Variants in NELL1 observed in about 807,000 individuals in gnomAD.
NELL1 encodes protein kinase C-binding protein NELL1.
Under a neutral mutation model 107.4 loss-of-function variants are expected in NELL1, and 76 were observed. The observed-to-expected ratio is 0.71, with a 90% confidence interval of 0.59 to 0.86. The LOEUF is 0.86. Among genes scored for constraint, NELL1 ranks in the 40% least tolerant of loss-of-function variants. The pLI is 0.00. For synonymous variants in NELL1, 353 were observed against 341.2 expected (o/e 1.03, Z -0.38); for missense variants, 1,024 against 1,005.5 (o/e 1.02, Z -0.25).
chr11:20,934,964 C>T (rs1314654742), intron 9 of NELL1, among the ~76,000 whole-genome samples: 10 of 152,092 alleles, frequency 6.6e-5, no homozygotes, highest in African/African-American at 2.4e-4. Flanking sequence ...TTTTTTTGGT[C>T]TCTACTTCTA....
At chr11:20,938,940 C>CTCTCTCTCTCTCTGTGTG (rs1216133538) in intron 10 of NELL1, among the ~76,000 whole-genome samples, 1 of 57,298 alleles carries the variant, frequency 1.7e-5, no homozygotes, top group African/African-American at 4.4e-5. Context: ...CTCTCTCTCT[C>CTCTCTCTCTCTCTGTGTG]TGTGTGTGTG....
intron 14 of NELL1, among the ~76,000 whole-genome samples, chr11:21,304,021 C>T (rs927750550): frequency 4.6e-5 from 7 of 151,984 alleles, no homozygotes; most frequent in African/African-American, 1.7e-4. Context: ...TTAATCACCT[C>T]CCAGTGGCCA....
chr11:20,783,883 C>G (rs531612753), intron 3 of NELL1, 53 bp downstream of exon 3: 2 of 1,508,526 alleles, frequency 1.3e-6, no homozygotes, highest in East Asian at 4.8e-5. Context: ...ATGGGTTATA[C>G]AAAATGTCTT....
rs142419385 is a variant in NELL1, at chr11:21,154,963, G to A, written c.1426+41249G>A. 7.2e-3 allele frequency among the ~76,000 whole-genome samples: 1,098 copies of A among 152,266 alleles called. 7 individuals carry two copies. The highest frequency in any genetic ancestry group is 0.012 in the Non-Finnish European group (802 of 68,024). On this transcript the variant is annotated intron_variant, in intron 13 of 19. Transcript: ENST00000357134. ...ATAGGACTGGGTTGTAAGCAAGTTGGTCTAGGGTTTTTTGTGGGTGAGGTT... is the reference window on the plus strand; with the variant it reads ...ATAGGACTGGGTTGTAAGCAAGTTGATCTAGGGTTTTTTGTGGGTGAGGTT...
At position 20,918,486 on chromosome 11, in the gene NELL1, G is replaced by T. The variant is rs186386290; in HGVS notation, c.676+232G>T. 3.1e-3 allele frequency among the ~76,000 whole-genome samples: 479 copies of T among 152,078 alleles called. 13 individuals carry two copies. Among genetic ancestry groups the T allele is most frequent in the Admixed American group, 0.026 (390 of 15,242 alleles). On this transcript the variant is annotated intron_variant, in intron 6 of 19. Transcript: ENST00000357134. ...TGCTGATAAAGACATACCCTAGACTGGGTAATTTATAAAGGAAAGAGGTTT... is the reference window on the plus strand; with the variant it reads ...TGCTGATAAAGACATACCCTAGACTTGGTAATTTATAAAGGAAAGAGGTTT...
chr11:21,422,149 GCA>G (rs1467481219), intron 15 of NELL1, among the ~76,000 whole-genome samples: 7 of 151,346 alleles, frequency 4.6e-5, no homozygotes, highest in African/African-American at 1.7e-4. Context: ...ATGTACACGT[GCA>G]AGAGAGAGAG....
At chr11:21,278,270 A>C (rs942773255) in intron 14 of NELL1, among the ~76,000 whole-genome samples, 1 of 152,296 alleles carries the variant, frequency 6.6e-6, no homozygotes, top group South Asian at 2.1e-4. Context: ...TTTTCTTAGC[A>C]TAGTATTCTA....
chr11:21,471,681 G>A (rs532352377), intron 15 of NELL1, among the ~76,000 whole-genome samples: 22 of 152,022 alleles, frequency 1.4e-4, no homozygotes, highest in Non-Finnish European at 3.1e-4. Flanking sequence ...AATGAAGAAA[G>A]TAAGGCTTGG....
At chr11:20,722,310 C>G (rs1480076569) in intron 2 of NELL1, among the ~76,000 whole-genome samples, 1 of 152,136 alleles carries the variant, frequency 6.6e-6, no homozygotes, top group Non-Finnish European at 1.5e-5. Flanking sequence ...CATGAGCCAC[C>G]ATGCCCGGCC....
At chr11:21,548,706 G>A (rs1856502232) in intron 16 of NELL1, among the ~76,000 whole-genome samples, 1 of 151,640 alleles carries the variant, frequency 6.6e-6, no homozygotes, top group South Asian at 2.1e-4. Flanking sequence ...CTTTGCATAA[G>A]GTTACTGTGT....
chr11:20,975,481 G>A (rs971953138), intron 12 of NELL1, among the ~76,000 whole-genome samples: 1 of 146,234 alleles, frequency 6.8e-6, no homozygotes, highest in Non-Finnish European at 1.5e-5. Flanking sequence ...TATTCTTCAT[G>A]GATATAGCTA....
chr11:20,923,059 G>C (rs1564968678), intron 7 of NELL1, among the ~76,000 whole-genome samples: 1 of 152,094 alleles, frequency 6.6e-6, no homozygotes, highest in Non-Finnish European at 1.5e-5. Context: ...ACAAAGTCTG[G>C]TAGAGCCTGT....
chr11:20,956,024 G>A (rs575381346), intron 11 of NELL1, among the ~76,000 whole-genome samples: 1 of 151,770 alleles, frequency 6.6e-6, no homozygotes, highest in Admixed American at 6.6e-5. Context: ...TTAGAGACCA[G>A]CCTGGCCAAC....
chr11:20,885,568 G>GTA (rs1470147867), intron 5 of NELL1, 28 bp downstream of exon 5: 21 of 1,330,650 alleles, frequency 1.6e-5, no homozygotes, highest in Middle Eastern at 1.8e-4. Flanking sequence ...TTTTATTGAA[G>GTA]TATATATATA....
At chr11:20,968,599 A>G (rs1042498510) in intron 12 of NELL1, among the ~76,000 whole-genome samples, 7 of 152,332 alleles carry the variant, frequency 4.6e-5, no homozygotes, top group Middle Eastern at 6.8e-3. Flanking sequence ...TTCCTTCACT[A>G]CATGACAAGA....
chr11:21,285,989 C>A (rs1329006816), intron 14 of NELL1, among the ~76,000 whole-genome samples: 1 of 152,068 alleles, frequency 6.6e-6, no homozygotes, highest in African/African-American at 2.4e-5. Flanking sequence ...GTAGGAAAGG[C>A]CTGTAGATAG....
intron 14 of NELL1, among the ~76,000 whole-genome samples, chr11:21,268,218 G>C (rs887764518): frequency 6.6e-6 from 1 of 152,096 alleles, no homozygotes; most frequent in Non-Finnish European, 1.5e-5. Flanking sequence ...TAATGTGAGT[G>C]TTTAAAACTC....
intron 2 of NELL1, among the ~76,000 whole-genome samples, chr11:20,716,558 CGT>C (rs1855254854): frequency 6.6e-6 from 1 of 152,112 alleles, no homozygotes; most frequent in African/African-American, 2.4e-5. Context: ...TGTCCATGTA[CGT>C]GTGTATGTAT....
At chr11:21,351,486 A>G (rs1227080751) in intron 14 of NELL1, among the ~76,000 whole-genome samples, 4 of 152,080 alleles carry the variant, frequency 2.6e-5, no homozygotes, top group Non-Finnish European at 4.4e-5. Flanking sequence ...GCAGGCAGAA[A>G]AAAGTAAGTG....
Sources: allele counts gnomAD v4.1 joint callset (sites outside exome capture counted in the v4.1 genomes callset), GRCh38; gene constraint gnomAD v4.1.1; transcripts MANE v1.5; gene names NCBI Gene and HGNC (gene_info 2026-07-23, HGNC 2026-07-21).